The following RNF157 variants were observed in gnomAD, a reference collection of about 807,000 sequenced individuals.
The protein encoded by RNF157 is E3 ubiquitin ligase RNF157.
In RNF157, 55 loss-of-function variants were observed where a neutral mutation model predicts 88.3. That is an observed-to-expected ratio of 0.62 (90% CI 0.50 to 0.78). The LOEUF is 0.78. Ranked by LOEUF, RNF157 falls within the 30% of genes least tolerant of loss-of-function variation. RNF157 has a pLI of 0.00. For synonymous variants in RNF157, 334 were observed against 341.2 expected (o/e 0.98, Z 0.23); for missense variants, 788 against 860.8 (o/e 0.92, Z 1.06).
chr17:76,197,190 T>C (rs973135314), intron 2 of RNF157, among the ~76,000 whole-genome samples: 13 of 152,096 alleles, frequency 8.5e-5, no homozygotes, highest in African/African-American at 3.1e-4. Flanking sequence ...CATTCCCCTG[T>C]GGTGAAGGGG....
At chr17:76,223,677 G>A (rs2070028180) in intron 1 of RNF157, among the ~76,000 whole-genome samples, 2 of 152,006 alleles carry the variant, frequency 1.3e-5, no homozygotes, top group East Asian at 1.9e-4. Flanking sequence ...CCACATAAAC[G>A]TTAAATATTG....
intron 9 of RNF157, 31 bp from the exon 10 acceptor site, chr17:76,162,033 G>C (rs774498778): frequency 1.2e-6 from 2 of 1,604,788 alleles, no homozygotes; most frequent in South Asian, 1.1e-5. Flanking sequence ...GTAGCCAATG[G>C]CACAAAGCCC....
intron 1 of RNF157, among the ~76,000 whole-genome samples, chr17:76,232,258 T>C (rs1453417673): frequency 6.6e-6 from 1 of 152,038 alleles, no homozygotes; most frequent in Non-Finnish European, 1.5e-5. Context: ...AGTGGTGGCA[T>C]GTGCCTGTAG....
chr17:76,236,310 T>C (rs2070281716), intron 1 of RNF157, among the ~76,000 whole-genome samples: 3 of 152,268 alleles, frequency 2.0e-5, no homozygotes, highest in Admixed American at 2.0e-4. Context: ...CTTTATATTA[T>C]GCCTATTTCT....
intron 2 of RNF157, chr17:76,212,074 AAGGT>A (rs1007576496): frequency 8.8e-6 from 2 of 226,830 alleles, no homozygotes; most frequent in African/African-American, 4.6e-5. Flanking sequence ...AAAAAAAAAA[AAGGT>A]AAGCCCTTGG....
chr17:76,237,960 T>C, intron 1 of RNF157, among the ~76,000 whole-genome samples: 1 of 151,934 alleles, frequency 6.6e-6, no homozygotes, highest in Non-Finnish European at 1.5e-5. Flanking sequence ...GGCAAACACC[T>C]GTAATCCCAG....
intron 3 of RNF157, among the ~76,000 whole-genome samples, chr17:76,171,344 A>AT (rs1293340955): frequency 3.3e-5 from 5 of 151,438 alleles, no homozygotes; most frequent in African/African-American, 7.3e-5. Context: ...GCGTGCCACC[A>AT]TGTCTGGCTA....
chr17:76,165,380 A>C (rs754466115), intron 7 of RNF157, 122 bp downstream of exon 7: 15 of 950,978 alleles, frequency 1.6e-5, no homozygotes, highest in Non-Finnish European at 2.4e-5. Context: ...CTCTTTCACC[A>C]TTATAGCCTC....
At chr17:76,164,634 G>T in intron 8 of RNF157, 114 bp downstream of exon 8, 2 of 559,388 alleles carry the variant, frequency 3.6e-6, no homozygotes, top group Non-Finnish European at 3.0e-6. Flanking sequence ...AGAGGAAAAG[G>T]AGAGAGCAAA....
intron 18 of RNF157, among the ~76,000 whole-genome samples, chr17:76,148,567 T>A (rs954796929): frequency 1.5e-5 from 1 of 66,558 alleles, no homozygotes; most frequent in Non-Finnish European, 2.9e-5. Flanking sequence ...GTGCCCCGCC[T>A]TTTTTTTTTT....
In RNF157 at chr17:76,240,119, C is replaced by A; in HGVS notation, c.88+34G>T. Reference sequence around the variant, plus strand: ...CCAGACCCCTGCCCCTGCCCCTCTCCCTCCTCGCGGCTGCGGCGCCCGCCC... The same window carrying A: ...CCAGACCCCTGCCCCTGCCCCTCTCACTCCTCGCGGCTGCGGCGCCCGCCC... On this transcript the variant is annotated intron_variant, in intron 1 of 18. Coordinates refer to ENST00000269391, the MANE Select transcript of RNF157 (RefSeq NM_052916.3). The surrounding 1 kb of genome is among the most constrained non-coding windows in gnomAD (Gnocchi z 4.4). 8.0e-6 allele frequency: 10 copies of A among 1,251,128 alleles called. No individual in the cohort carries two copies. Among genetic ancestry groups the A allele is most frequent in the Non-Finnish European group, 1.0e-5 (10 of 981,034 alleles). The allele number at this position is 1,251,128 out of a possible 1,614,324, so 77.5% of individuals were successfully genotyped here.
Position 76,227,117 on chromosome 17 carries a change from G to GTT in RNF157, c.88+13034_88+13035dup, listed in dbSNP as rs533845540. 5.2e-3 allele frequency among the ~76,000 whole-genome samples: 725 copies of GTT among 138,134 alleles called. 12 individuals are homozygous for GTT. The highest frequency in any genetic ancestry group is 0.018 in the African/African-American group (677 of 37,536). The allele number at this position is 138,134 out of a possible 152,430, so 90.6% of individuals were successfully genotyped here. A position where few individuals can be genotyped will look rare whatever the true frequency, so the allele number is the denominator to read the frequency against. ...AATAATATTAATAACCTCTTTTTTT[G>GTT]TTTTTTTTTTTTTTTGAGACGGGAG... On this transcript the variant is annotated intron_variant, in intron 1 of 18. Transcript: ENST00000269391.
intron 2 of RNF157, among the ~76,000 whole-genome samples, chr17:76,186,185 A>G (rs2144926147): frequency 6.6e-6 from 1 of 151,522 alleles, no homozygotes; most frequent in African/African-American, 2.4e-5. Context: ...CTGTCCTTTC[A>G]TGTCCCATTA....
chr17:76,226,195 G>A, intron 1 of RNF157: 3 of 1,611,078 alleles, frequency 1.9e-6, no homozygotes. Flanking sequence ...TGCACTGAGG[G>A]ATCATGGCAA....
intron 16 of RNF157, 118 bp downstream of exon 16, chr17:76,155,134 C>A: frequency 1.2e-6 from 1 of 820,760 alleles, no homozygotes; most frequent in Non-Finnish European, 2.1e-6. Flanking sequence ...TAGGCATGTC[C>A]CCTAGGAAGG....
chr17:76,170,103 A>G (rs2068991558), intron 3 of RNF157, among the ~76,000 whole-genome samples: 2 of 152,180 alleles, frequency 1.3e-5, no homozygotes, highest in Admixed American at 1.3e-4. Flanking sequence ...AGGTTTTCCT[A>G]TCCAGGCAGG....
intron 2 of RNF157, among the ~76,000 whole-genome samples, chr17:76,182,687 G>T (rs2069209698): frequency 6.8e-6 from 1 of 146,062 alleles, no homozygotes; most frequent in South Asian, 2.1e-4. Context: ...TAAAAATAAA[G>T]TTAACTTCAA....
intron 1 of RNF157, chr17:76,226,862 G>A (rs2070097740): frequency 9.5e-6 from 13 of 1,364,852 alleles, no homozygotes; most frequent in Admixed American, 2.2e-5. Flanking sequence ...TGTCTTTGTC[G>A]GTTACAGCAA....
At chr17:76,163,385 G>GGGT (rs2068875119) in intron 8 of RNF157, 1 of 152,108 alleles carries the variant, frequency 6.6e-6, no homozygotes, top group Admixed American at 6.6e-5. Context: ...GGTAGAGACG[G>GGGT]GGTTTCACCA....
Sources: allele counts gnomAD v4.1 joint callset (sites outside exome capture counted in the v4.1 genomes callset), GRCh38; gene constraint gnomAD v4.1.1; non-coding constraint Gnocchi (gnomAD v3.1); transcripts MANE v1.5; gene names NCBI Gene and HGNC (gene_info 2026-07-23, HGNC 2026-07-21).